KAZN: variants seen among roughly 807,000 people sequenced by gnomAD.
KAZN encodes kazrin, periplakin interacting protein, also known as kazrin.
KAZN carries 40 observed loss-of-function variants against 87.4 expected under a neutral mutation model. The observed-to-expected ratio is 0.46, with a 90% CI of 0.36 to 0.60. KAZN has a LOEUF of 0.60. KAZN is among the 20% of genes least tolerant of loss of function. The pLI is 0.00. For missense variants in KAZN, 898 were observed against 1,073.9 expected (o/e 0.84, Z 2.29); for synonymous variants, 466 against 458.3 (o/e 1.02, Z -0.22).
chr1:14,802,372 C>G (rs1388291236), intron 1 of KAZN, among the ~76,000 whole-genome samples: 1 of 147,924 alleles, frequency 6.8e-6, no homozygotes, highest in Non-Finnish European at 1.5e-5. Flanking sequence ...CCACTGTACT[C>G]TAGCCTGGGT....
chr1:14,363,120 A>AT (rs565062485), intron 2 of KAZN, among the ~76,000 whole-genome samples: 3 of 152,126 alleles, frequency 2.0e-5, no homozygotes, highest in African/African-American at 7.2e-5. Context: ...CCATGGTTGC[A>AT]TTTTTTAAAC....
intron 1 of KAZN, among the ~76,000 whole-genome samples, chr1:14,837,654 G>A (rs1282250256): frequency 1.3e-5 from 2 of 149,798 alleles, no homozygotes; most frequent in Non-Finnish European, 2.9e-5. Flanking sequence ...CTAGGCTCAA[G>A]AGATCCTCCC....
At chr1:14,557,629 GGTGTGT>G (rs59563758) in intron 2 of KAZN, among the ~76,000 whole-genome samples, 51,980 of 136,782 alleles carry the variant, frequency 0.38, 10,539 homozygotes, top group Non-Finnish European at 0.45. Flanking sequence ...GGTGTGTGTG[GGTGTGT>G]GTGTGTGTGT....
intron 1 of KAZN, among the ~76,000 whole-genome samples, chr1:14,864,088 T>C (rs1209318203): frequency 6.6e-6 from 1 of 152,210 alleles, no homozygotes; most frequent in East Asian, 1.9e-4. Context: ...GAGCCCAATC[T>C]TCCCATTCCA....
At chr1:15,083,665 G>T (rs184101971) in intron 8 of KAZN, among the ~76,000 whole-genome samples, 1 of 152,018 alleles carries the variant, frequency 6.6e-6, no homozygotes, top group Non-Finnish European at 1.5e-5. Context: ...AGTCTGTCTC[G>T]GTGCTTAGGC....
intron 1 of KAZN, among the ~76,000 whole-genome samples, chr1:14,056,546 A>T: frequency 6.6e-6 from 1 of 152,254 alleles, no homozygotes; most frequent in East Asian, 1.9e-4. Context: ...CTCCAGAATT[A>T]TAAGAGAATA....
intron 1 of KAZN, among the ~76,000 whole-genome samples, chr1:14,082,733 A>G (rs1486588891): frequency 1.3e-5 from 2 of 152,090 alleles, no homozygotes; most frequent in African/African-American, 2.4e-5. Context: ...GTGCTTTCCT[A>G]GCTGATCTGG....
chr1:14,193,318 A>C (rs1646460150), intron 2 of KAZN, among the ~76,000 whole-genome samples: 2 of 152,140 alleles, frequency 1.3e-5, no homozygotes, highest in Admixed American at 1.3e-4. Flanking sequence ...AAAAGGGGAA[A>C]TTTGGAGACA....
rs773638823 is a variant in KAZN at position 14,892,361 on chromosome 1, C to G, written c.227-68323C>G. Among the ~76,000 whole-genome samples, 201 of 152,248 alleles carry G rather than the reference C, an allele frequency of 1.3e-3. 1 individual carries two copies. The highest frequency in any genetic ancestry group is 2.0e-3 in the Non-Finnish European group (137 of 68,014). On this transcript the variant is annotated intron_variant, in intron 1 of 14. Coordinates refer to ENST00000376030, the MANE Select transcript of KAZN (RefSeq NM_201628.3). Reference sequence around the variant, plus strand: ...TATGGGAAGAGAGGCATCTGTCTTTCAGAGGCATCTCTCTCTCTTTTTCCC... The same window carrying G: ...TATGGGAAGAGAGGCATCTGTCTTTGAGAGGCATCTCTCTCTCTTTTTCCC...
chr1:14,503,560 A>G (rs1179154030), intron 2 of KAZN, among the ~76,000 whole-genome samples: 2 of 149,442 alleles, frequency 1.3e-5, no homozygotes, highest in African/African-American at 5.0e-5. Context: ...ATCAATAAAT[A>G]TTCATTGTAA....
At chr1:14,383,758 C>T (rs193114725) in intron 2 of KAZN, among the ~76,000 whole-genome samples, 8 of 152,158 alleles carry the variant, frequency 5.3e-5, no homozygotes, top group Admixed American at 1.3e-4. Flanking sequence ...GTGATGCCTC[C>T]GCCTTTGTTC....
At chr1:14,129,465 T>A (rs1644945068) in intron 1 of KAZN, among the ~76,000 whole-genome samples, 1 of 152,244 alleles carries the variant, frequency 6.6e-6, no homozygotes, top group African/African-American at 2.4e-5. Context: ...AAGGCCAAAC[T>A]GCCCTGTGCC....
chr1:14,027,920 C>T (rs1239047600), intron 1 of KAZN, among the ~76,000 whole-genome samples: 1 of 152,186 alleles, frequency 6.6e-6, no homozygotes, highest in Non-Finnish European at 1.5e-5. Flanking sequence ...AGTCATTGGG[C>T]ATGCCAGTGG....
At chr1:14,419,268 G>A (rs929307387) in intron 2 of KAZN, among the ~76,000 whole-genome samples, 1 of 152,190 alleles carries the variant, frequency 6.6e-6, no homozygotes, top group African/African-American at 2.4e-5. Context: ...GAAATTCAGT[G>A]ACTTTCCCAA....
intron 1 of KAZN, among the ~76,000 whole-genome samples, chr1:14,680,862 T>C (rs1447379933): frequency 1.3e-5 from 2 of 152,080 alleles, no homozygotes; most frequent in African/African-American, 4.8e-5. Context: ...TGAGACTCGG[T>C]AATTTAGAAA....
intron 2 of KAZN, among the ~76,000 whole-genome samples, chr1:15,003,393 T>C (rs143422160): frequency 1.8e-3 from 272 of 152,306 alleles, no homozygotes; most frequent in African/African-American, 6.1e-3. Context: ...CATGAATAGA[T>C]TCATTATCTT....
intron 2 of KAZN, among the ~76,000 whole-genome samples, chr1:14,446,584 G>A (rs1472089041): frequency 6.6e-6 from 1 of 152,142 alleles, no homozygotes; most frequent in African/African-American, 2.4e-5. Context: ...TGGCAGCGGT[G>A]GTGGTCTCAG....
chr1:14,070,167 C>CAAAAAAAAAAAAAAAAAAAAA (rs61327562), intron 1 of KAZN, among the ~76,000 whole-genome samples: 8 of 72,868 alleles, frequency 1.1e-4, no homozygotes, highest in African/African-American at 2.4e-4. Flanking sequence ...GACTCCATCT[C>CAAAAAAAAAAAAAAAAAAAAA]AAAAAAAAAA....
intron 1 of KAZN, among the ~76,000 whole-genome samples, chr1:14,167,509 G>A (rs1645856330): frequency 6.6e-6 from 1 of 152,130 alleles, no homozygotes; most frequent in Non-Finnish European, 1.5e-5. Context: ...GATCACCTGA[G>A]GTCAGGAGTT....
Sources: allele counts gnomAD v4.1 joint callset (sites outside exome capture counted in the v4.1 genomes callset), GRCh38; gene constraint gnomAD v4.1.1; transcripts MANE v1.5; gene names NCBI Gene and HGNC (gene_info 2026-07-23, HGNC 2026-07-21).